The following RALGPS1 variants were observed in gnomAD, a reference collection of about 807,000 sequenced individuals.
RALGPS1 encodes ras-specific guanine nucleotide-releasing factor RalGPS1.
Under a neutral mutation model 78.8 loss-of-function variants are expected in RALGPS1, and 19 were observed. The observed-to-expected ratio is 0.24, with a 90% CI of 0.17 to 0.35. RALGPS1 has a LOEUF of 0.35. Among genes scored for constraint, RALGPS1 ranks in the 10% least tolerant of loss-of-function variants. The pLI is 1.00. For synonymous variants in RALGPS1, 228 were observed against 256.3 expected (o/e 0.89, Z 1.06); for missense variants, 454 against 688.3 (o/e 0.66, Z 3.81).
At chr9:127,169,272 T>C (rs995266871) in intron 10 of RALGPS1, among the ~76,000 whole-genome samples, 7 of 152,170 alleles carry the variant, frequency 4.6e-5, no homozygotes, top group African/African-American at 1.7e-4. Context: ...CTCTCAGCTC[T>C]CTGCAGTATT....
At chr9:126,944,400 G>GC (rs1284398770) in intron 1 of RALGPS1, among the ~76,000 whole-genome samples, 1 of 151,442 alleles carries the variant, frequency 6.6e-6, no homozygotes, top group Non-Finnish European at 1.5e-5. Flanking sequence ...AAGACCCCCT[G>GC]CTCCCTACAC....
intron 1 of RALGPS1, among the ~76,000 whole-genome samples, chr9:126,938,239 A>G (rs1252969599): frequency 6.6e-6 from 1 of 152,214 alleles, no homozygotes; most frequent in African/African-American, 2.4e-5. Context: ...AATTGGCACG[A>G]GAGAAGGCCA....
chr9:127,216,921 C>G, intron 18 of RALGPS1: 1 of 1,546,956 alleles, frequency 6.5e-7, no homozygotes, highest in Non-Finnish European at 8.7e-7. Context: ...CGGAGCAGCT[C>G]CAGGTCCAAC....
chr9:126,963,861 T>C (rs539073417), intron 2 of RALGPS1, among the ~76,000 whole-genome samples: 14 of 152,200 alleles, frequency 9.2e-5, no homozygotes, highest in Non-Finnish European at 1.8e-4. Context: ...CACCCTGATA[T>C]ATTCTGTTTT....
At chr9:127,084,689 C>A (rs2051521529) in intron 8 of RALGPS1, among the ~76,000 whole-genome samples, 1 of 152,230 alleles carries the variant, frequency 6.6e-6, no homozygotes, top group Admixed American at 6.5e-5. Flanking sequence ...AGTTCATTCT[C>A]CCCTCTCCAG....
At chr9:126,964,018 G>A (rs534967072) in intron 2 of RALGPS1, among the ~76,000 whole-genome samples, 1 of 152,156 alleles carries the variant, frequency 6.6e-6, no homozygotes, top group African/African-American at 2.4e-5. Flanking sequence ...ACTCTGCGTA[G>A]GTTCTCCTCA....
intron 3 of RALGPS1, among the ~76,000 whole-genome samples, chr9:126,968,234 C>A (rs1197518817): frequency 6.6e-6 from 1 of 152,146 alleles, no homozygotes; most frequent in Admixed American, 6.5e-5. Flanking sequence ...ATCTCCTGAT[C>A]TCATGATCTG....
intron 1 of RALGPS1, among the ~76,000 whole-genome samples, chr9:126,931,174 A>C: frequency 6.6e-6 from 1 of 152,198 alleles, no homozygotes; most frequent in East Asian, 1.9e-4. Context: ...CTGTCCAGAA[A>C]TTCGGCACGA....
chr9:126,970,970 A>G (rs145516838), intron 3 of RALGPS1, among the ~76,000 whole-genome samples: 1 of 152,350 alleles, frequency 6.6e-6, no homozygotes, highest in East Asian at 1.9e-4. Flanking sequence ...AAATACAAAA[A>G]TCTCAGAAAT....
intron 8 of RALGPS1, among the ~76,000 whole-genome samples, chr9:127,137,898 C>T (rs2057510549): frequency 6.6e-6 from 1 of 152,290 alleles, no homozygotes; most frequent in African/African-American, 2.4e-5. Flanking sequence ...GCCCAGGTCC[C>T]TCATCTGTAA....
intron 8 of RALGPS1, among the ~76,000 whole-genome samples, chr9:127,111,941 G>C (rs1367276183): frequency 6.6e-6 from 1 of 152,182 alleles, no homozygotes; most frequent in Admixed American, 6.6e-5. Flanking sequence ...ACATTAATCT[G>C]TGCTAAAATA....
chr9:127,188,849 A>AAAAAAAAAAG (rs2060846751), intron 11 of RALGPS1, among the ~76,000 whole-genome samples: 2 of 149,354 alleles, frequency 1.3e-5, no homozygotes, highest in African/African-American at 4.9e-5. Flanking sequence ...AAAAAAAAAA[A>AAAAAAAAAAG]TGTAGCCAGG....
intron 1 of RALGPS1, among the ~76,000 whole-genome samples, chr9:126,942,842 A>C (rs149284565): frequency 6.6e-6 from 1 of 152,040 alleles, no homozygotes; most frequent in Non-Finnish European, 1.5e-5. Context: ...CCTTTGATTT[A>C]AGTCTTTTTT....
intron 11 of RALGPS1, 41 bp from the exon 12 acceptor site, chr9:127,195,050 C>T: frequency 1.9e-6 from 3 of 1,606,638 alleles, no homozygotes; most frequent in Non-Finnish European, 2.6e-6. Context: ...CTCACCCTCC[C>T]ATCATAACCC....
In RALGPS1 at chr9:127,085,483, C is replaced by T. The variant is rs929567169; in HGVS notation, c.610+16127C>T. ...GGCTAGGGTGCTTGGACAGAGCCCT[C>T]CTGCCCCATGCTCTTCTTCCATGCC... On this transcript the variant is annotated intron_variant, in intron 8 of 18. Coordinates refer to ENST00000259351, the MANE Select transcript of RALGPS1 (RefSeq NM_014636.3). Among the ~76,000 whole-genome samples the T allele has an allele frequency of 3.3e-5, 5 of 152,178 alleles. No homozygotes were observed. In the South Asian group the frequency reaches 1.0e-3, roughly 32 times the overall value.
intron 8 of RALGPS1, among the ~76,000 whole-genome samples, chr9:127,096,753 A>G (rs1383365976): frequency 6.6e-6 from 1 of 152,234 alleles, no homozygotes; most frequent in Non-Finnish European, 1.5e-5. Context: ...ATACAGTTTC[A>G]GAAGGTAATG....
intron 4 of RALGPS1, among the ~76,000 whole-genome samples, chr9:127,030,171 T>A (rs2046306766): frequency 6.6e-6 from 1 of 152,134 alleles, no homozygotes; most frequent in Non-Finnish European, 1.5e-5. Flanking sequence ...CCAAAGAAGG[T>A]ATGGCCAGGA....
chr9:127,105,451 C>T (rs1160251802), intron 8 of RALGPS1, among the ~76,000 whole-genome samples: 1 of 152,200 alleles, frequency 6.6e-6, no homozygotes, highest in African/African-American at 2.4e-5. Context: ...TCATCTCCAT[C>T]AGGGACCCAC....
chr9:127,196,904 A>G (rs892789730), intron 13 of RALGPS1, among the ~76,000 whole-genome samples: 11 of 152,108 alleles, frequency 7.2e-5, no homozygotes, highest in Non-Finnish European at 1.3e-4. Flanking sequence ...GCAGCCAAAC[A>G]CATGCCTGAG....
Sources: allele counts gnomAD v4.1 joint callset (sites outside exome capture counted in the v4.1 genomes callset), GRCh38; gene constraint gnomAD v4.1.1; transcripts MANE v1.5; gene names NCBI Gene and HGNC (gene_info 2026-07-23, HGNC 2026-07-21).